Variants in ARL15 observed in about 807,000 individuals in gnomAD.
The protein encoded by ARL15 is ADP-ribosylation factor-like protein 15.
A neutral mutation model predicts 25.2 loss-of-function variants in ARL15; 19 were observed. The ratio of observed to expected loss-of-function variants is 0.75; its 90% CI spans 0.53 to 1.10. The LOEUF is 1.10. ARL15 is among the 50% of genes least tolerant of loss of function. ARL15 has a pLI of 0.00. For missense variants in ARL15, 220 were observed against 246.0 expected (o/e 0.89, Z 0.71); for synonymous variants, 94 against 86.8 (o/e 1.08, Z -0.46).
intron 3 of ARL15, among the ~76,000 whole-genome samples, chr5:54,119,518 T>C (rs766034462): frequency 6.6e-6 from 1 of 152,124 alleles, no homozygotes; most frequent in African/African-American, 2.4e-5. Context: ...TACTAATACT[T>C]GTCCAGAAAA....
intron 4 of ARL15, among the ~76,000 whole-genome samples, chr5:54,006,754 T>G (rs528442119): frequency 6.6e-6 from 1 of 152,314 alleles, no homozygotes; most frequent in East Asian, 1.9e-4. Flanking sequence ...CTTCTATACC[T>G]TTTGAATTTT....
chr5:53,950,576 A>G (rs1293370215), intron 4 of ARL15, among the ~76,000 whole-genome samples: 1 of 152,198 alleles, frequency 6.6e-6, no homozygotes, highest in African/African-American at 2.4e-5. Flanking sequence ...ATTTCAACTC[A>G]TGCTCTATCA....
chr5:53,942,590 A>G (rs1293844849), intron 4 of ARL15, among the ~76,000 whole-genome samples: 1 of 151,934 alleles, frequency 6.6e-6, no homozygotes, highest in Non-Finnish European at 1.5e-5. Context: ...TACTAAAAAT[A>G]CAAAAATTAG....
At chr5:54,305,503 T>C (rs958201469) in intron 1 of ARL15, among the ~76,000 whole-genome samples, 1 of 151,980 alleles carries the variant, frequency 6.6e-6, no homozygotes, top group Non-Finnish European at 1.5e-5. Context: ...CACGGTACAG[T>C]AGTTTCCCCT....
chr5:53,884,010 T>C lies in ARL15; in HGVS notation c.*2551A>G, dbSNP rs996996435. The C allele has an allele frequency of 4.6e-5, 7 of 152,178 alleles. No homozygotes were observed. The highest frequency in any genetic ancestry group is 1.4e-4 in the African/African-American group (6 of 41,448). 9.4% of individuals were successfully genotyped at this position (152,178 alleles called of 1,614,324 possible). A position where few individuals can be genotyped will look rare whatever the true frequency, so the allele number is the denominator to read the frequency against. On this transcript the variant is annotated 3_prime_UTR_variant, in exon 5 of 5. Coordinates refer to ENST00000504924, the MANE Select transcript of ARL15 (RefSeq NM_019087.3). ...TCGTAGAAATCATGGACAATACAAG[T>C]TGGTCTTGCCTGGTAAATGTCCACA...
At chr5:54,134,120 A>C (rs948967155) in intron 3 of ARL15, among the ~76,000 whole-genome samples, 2 of 152,186 alleles carry the variant, frequency 1.3e-5, no homozygotes, top group Non-Finnish European at 2.9e-5. Context: ...AGGTTACCAG[A>C]TGATTGGTGA....
chr5:54,223,515 T>G (rs983578787), intron 1 of ARL15, among the ~76,000 whole-genome samples: 1 of 152,168 alleles, frequency 6.6e-6, no homozygotes, highest in African/African-American at 2.4e-5. Flanking sequence ...ACAGGTTGAT[T>G]GACAATTGAC....
intron 4 of ARL15, among the ~76,000 whole-genome samples, chr5:54,061,175 T>G (rs1751051025): frequency 6.6e-6 from 1 of 152,222 alleles, no homozygotes; most frequent in Non-Finnish European, 1.5e-5. Context: ...GCCTAGGGAC[T>G]TGGTGCCCTG....
At chr5:54,293,914 C>T (rs1203701497) in intron 1 of ARL15, among the ~76,000 whole-genome samples, 1 of 152,122 alleles carries the variant, frequency 6.6e-6, no homozygotes, top group Non-Finnish European at 1.5e-5. Context: ...CTGCAACCTC[C>T]GCCTCCTGGG....
Position 54,049,845 on chromosome 5 carries a change from T to G in ARL15, c.462+63357A>C, listed in dbSNP as rs768650784. 9.2e-5 allele frequency among the ~76,000 whole-genome samples: 14 copies of G among 152,110 alleles called. 1 individual carries two copies. Among genetic ancestry groups the G allele is most frequent in the Admixed American group, 1.3e-4 (2 of 15,254 alleles). Reference sequence around the variant, plus strand: ...CCTAAGCCTCCCAAAGTGCTGGGATTACAGGCATGAGCCACGACTCCCAGC... The same window carrying G: ...CCTAAGCCTCCCAAAGTGCTGGGATGACAGGCATGAGCCACGACTCCCAGC... On this transcript the variant is annotated intron_variant, in intron 4 of 4. Transcript: ENST00000504924.
chr5:54,264,001 A>T (rs115263113), intron 1 of ARL15, among the ~76,000 whole-genome samples: 1 of 152,134 alleles, frequency 6.6e-6, no homozygotes, highest in African/African-American at 2.4e-5. Context: ...CTCCTTCAGT[A>T]TATCACAGAA....
rs10041811 is a variant in ARL15, at chr5:54,065,354, A to C, written c.462+47848T>G. Among the ~76,000 whole-genome samples the C allele has an allele frequency of 5.1e-3, 781 of 152,302 alleles. 8 individuals are homozygous for C. The highest frequency in any genetic ancestry group is 0.018 in the African/African-American group (742 of 41,578). ...GCTACATCAGGCTATTGACAGCTTA[A>C]AATGTGGCTGGTCCAAACTGAGATG... is the stretch of plus-strand genomic sequence containing the variant. On this transcript the variant is annotated intron_variant, in intron 4 of 4. Coordinates refer to ENST00000504924, the MANE Select transcript of ARL15 (RefSeq NM_019087.3).
intron 1 of ARL15, among the ~76,000 whole-genome samples, chr5:54,215,773 G>A (rs961475725): frequency 8.0e-6 from 1 of 125,384 alleles, no homozygotes; most frequent in Non-Finnish European, 1.6e-5. Context: ...GAAGACCTTT[G>A]TAATTACCTG....
intron 3 of ARL15, among the ~76,000 whole-genome samples, chr5:54,117,338 G>A (rs1316724993): frequency 6.8e-6 from 1 of 147,856 alleles, no homozygotes; most frequent in East Asian, 2.0e-4. Context: ...ACATTTAGGA[G>A]TACATATGGT....
At chr5:53,892,501 CAG>C (rs1296905167) in intron 4 of ARL15, among the ~76,000 whole-genome samples, 1 of 152,138 alleles carries the variant, frequency 6.6e-6, no homozygotes, top group Non-Finnish European at 1.5e-5. Flanking sequence ...TTTAAATACA[CAG>C]TGTCCATTGC....
At chr5:53,971,471 T>C (rs1747745805) in intron 4 of ARL15, among the ~76,000 whole-genome samples, 1 of 152,138 alleles carries the variant, frequency 6.6e-6, no homozygotes, top group Non-Finnish European at 1.5e-5. Flanking sequence ...ACAAAAATAC[T>C]CAGAAGTGAC....
chr5:53,927,129 ATT>A (rs1746057048), intron 4 of ARL15, among the ~76,000 whole-genome samples: 1 of 152,168 alleles, frequency 6.6e-6, no homozygotes, highest in African/African-American at 2.4e-5. Flanking sequence ...TCCACCCTCC[ATT>A]TAATCGTTAA....
intron 4 of ARL15, among the ~76,000 whole-genome samples, chr5:53,961,654 G>A (rs1747378109): frequency 1.3e-5 from 2 of 152,036 alleles, no homozygotes; most frequent in African/African-American, 2.4e-5. Flanking sequence ...TTTAAAAAGG[G>A]GGAGAAATAC....
At chr5:54,105,152 T>A (rs1752550890) in intron 4 of ARL15, among the ~76,000 whole-genome samples, 1 of 151,928 alleles carries the variant, frequency 6.6e-6, no homozygotes, top group Non-Finnish European at 1.5e-5. Context: ...TTAATTTACC[T>A]CGACAAATGT....
Sources: gnomAD v4.1 joint callset for allele counts (sites outside exome capture counted in the v4.1 genomes callset) on GRCh38, gnomAD v4.1.1 for gene constraint, MANE v1.5 for transcripts, NCBI Gene and HGNC (gene_info 2026-07-23, HGNC 2026-07-21) for gene names.